The following ARID1B variants were observed in gnomAD, a reference collection of about 807,000 sequenced individuals.
The protein encoded by ARID1B is AT-rich interactive domain-containing protein 1B.
A neutral mutation model predicts 212.3 loss-of-function variants in ARID1B; 30 were observed. The ratio of observed to expected loss-of-function variants is 0.14; its 90% CI spans 0.11 to 0.19. The LOEUF (loss-of-function observed/expected upper bound fraction) is 0.19, where lower values mean the gene tolerates loss of function less well. ARID1B is among the 10% of genes least tolerant of loss of function. The probability of loss-of-function intolerance (pLI) is 1.00; values close to 1 mark genes in which losing one functional copy is unlikely to be tolerated. For synonymous variants in ARID1B, 1,402 were observed against 1,301.7 expected, an observed-to-expected ratio of 1.08 and a Z score of -1.66; for missense variants, 2,891 against 3,204.0, an observed-to-expected ratio of 0.90 and a Z score of 2.36.
intron 8 of ARID1B, among the ~76,000 whole-genome samples, chr6:157,161,504 A>G (rs1456438946): frequency 1.3e-5 from 2 of 151,546 alleles, no homozygotes; most frequent in Non-Finnish European, 2.9e-5. Flanking sequence ...ATTAAATTTA[A>G]AATAACCTCG....
chr6:157,035,946 G>T (rs1420875443), intron 4 of ARID1B, among the ~76,000 whole-genome samples: 1 of 152,162 alleles, frequency 6.6e-6, no homozygotes, highest in Non-Finnish European at 1.5e-5. Context: ...GGATACATTA[G>T]ATAGGCCTAT....
intron 4 of ARID1B, among the ~76,000 whole-genome samples, chr6:157,068,758 G>T (rs963223749): frequency 6.6e-6 from 1 of 152,144 alleles, no homozygotes; most frequent in Non-Finnish European, 1.5e-5. Context: ...TCTCACACAC[G>T]TGCGTACACA....
At chr6:156,901,700 C>T in intron 3 of ARID1B, 175 bp downstream of exon 3, 1 of 846,906 alleles carries the variant, frequency 1.2e-6, no homozygotes, top group Non-Finnish European at 1.8e-6. Flanking sequence ...GTCTTTTCCC[C>T]TTTTGAGATT....
rs1778926656 is a variant in ARID1B, at chr6:156,778,900, G to GAGC, written c.1222_1223insCAG (p.Gly407_Gly408insAla). Reference sequence around the variant, plus strand: ...GGAGGAGGAGGCAGCGGAGGAGGAGGAGGAGGAGGAGGAGCAGGAGCAGGA... The same window carrying GAGC: ...GGAGGAGGAGGCAGCGGAGGAGGAGGAGCAGGAGGAGGAGGAGCAGGAGCAGGA... On this transcript the variant is annotated inframe_insertion, in exon 1 of 20. Coordinates refer to ENST00000636930, the MANE Select transcript of ARID1B (RefSeq NM_001374828.1). 5.1e-5 allele frequency: 70 copies of GAGC among 1,369,908 alleles called. No homozygotes were observed. The highest frequency in any genetic ancestry group is 6.3e-5 in the Non-Finnish European group (67 of 1,063,580). The allele number at this position is 1,369,908 out of a possible 1,614,324, so 84.9% of individuals were successfully genotyped here. A position where few individuals can be genotyped will look rare whatever the true frequency, so the allele number is the denominator to read the frequency against.
chr6:157,185,345 G>A (rs1235531650), intron 13 of ARID1B: 2 of 152,324 alleles, frequency 1.3e-5, no homozygotes, highest in African/African-American at 4.8e-5. Flanking sequence ...CAGCACATTA[G>A]CCTCACTGTT....
At chr6:157,003,088 A>G (rs1239726752) in intron 4 of ARID1B, among the ~76,000 whole-genome samples, 1 of 152,206 alleles carries the variant, frequency 6.6e-6, no homozygotes, top group Non-Finnish European at 1.5e-5. Context: ...CTGGGGCCCC[A>G]TCACAGAGGG....
chr6:156,789,061 T>C (rs1779843207), intron 1 of ARID1B, among the ~76,000 whole-genome samples: 1 of 152,228 alleles, frequency 6.6e-6, no homozygotes, highest in Non-Finnish European at 1.5e-5. Context: ...GAAGTATTTA[T>C]GGAGTAAATG....
At chr6:157,043,784 T>C (rs933334054) in intron 4 of ARID1B, among the ~76,000 whole-genome samples, 1 of 152,248 alleles carries the variant, frequency 6.6e-6, no homozygotes, top group African/African-American at 2.4e-5. Context: ...TTAAGGAAGA[T>C]ATATTCATTG....
intron 5 of ARID1B, among the ~76,000 whole-genome samples, chr6:157,105,482 C>T (rs1168113213): frequency 2.0e-5 from 3 of 152,020 alleles, no homozygotes; most frequent in Admixed American, 6.6e-5. Context: ...GGATTAAGAA[C>T]GTAAGCAGAA....
At chr6:156,985,646 T>G (rs181899685) in intron 4 of ARID1B, 1 of 152,272 alleles carries the variant, frequency 6.6e-6, no homozygotes, top group East Asian at 1.9e-4. Context: ...TATAAACAAC[T>G]ACTGTGTCTT....
intron 13 of ARID1B, chr6:157,186,588 G>A (rs569161682): frequency 2.2e-6 from 1 of 461,632 alleles, no homozygotes; most frequent in Admixed American, 2.4e-5. Context: ...AAACATTTTT[G>A]TTGTTAAAGG....
chr6:157,149,064 C>G, intron 8 of ARID1B, 113 bp downstream of exon 8: 1 of 1,132,422 alleles, frequency 8.8e-7, no homozygotes, highest in Non-Finnish European at 1.2e-6. Flanking sequence ...AGTAGAATGT[C>G]ACTGTGCTTG....
intron 5 of ARID1B, among the ~76,000 whole-genome samples, chr6:157,090,751 AGGGATG>A (rs1340324781): frequency 6.6e-6 from 1 of 152,184 alleles, no homozygotes; most frequent in Non-Finnish European, 1.5e-5. Flanking sequence ...GCTGGGCATG[AGGGATG>A]GGTCAGGGTG....
intron 1 of ARID1B, among the ~76,000 whole-genome samples, chr6:156,789,170 A>G (rs1463896294): frequency 6.6e-6 from 1 of 152,214 alleles, no homozygotes; most frequent in Non-Finnish European, 1.5e-5. Flanking sequence ...TCTATGTGGA[A>G]GGTCAGTGTA....
At position 156,778,756 on chromosome 6, in the gene ARID1B, C is replaced by A. The variant is rs1446499396; in HGVS notation, c.1076C>A (p.Ala359Asp). ...TCCGCCTCCGCCGCCGCCGCCGGGG[C>A]CCCCGGCAGCATGGACCCCCTGCAG... ...MHSASAAAAG[A>D]PGSMDPLQNS... Residue 359 changes from alanine (A) to aspartate (D), a missense_variant, in exon 1 of 20, where the codon GCC becomes GAC. Around this residue, in one of 7 missense-constraint regions of ARID1B, gnomAD observed 1,643 missense variants for 1,544.0 expected, o/e 1.06. Coordinates refer to ENST00000636930, the MANE Select transcript of ARID1B (RefSeq NM_001374828.1). 1 of 1,521,038 alleles carries A rather than the reference C, an allele frequency of 6.6e-7. No individual in the cohort carries two copies. The highest frequency in any genetic ancestry group is 1.4e-5 in the African/African-American group (1 of 70,286). The allele number at this position is 1,521,038 out of a possible 1,614,324, so 94.2% of individuals were successfully genotyped here. A position where few individuals can be genotyped will look rare whatever the true frequency, so the allele number is the denominator to read the frequency against.
intron 4 of ARID1B, chr6:157,023,869 A>C (rs1780481799): frequency 6.6e-6 from 1 of 152,224 alleles, no homozygotes; most frequent in Non-Finnish European, 1.5e-5. Flanking sequence ...TGATGTAAAT[A>C]ATACATTCAA....
chr6:157,131,110 A>T (rs1788516545), intron 6 of ARID1B, among the ~76,000 whole-genome samples: 1 of 152,154 alleles, frequency 6.6e-6, no homozygotes, highest in Non-Finnish European at 1.5e-5. Context: ...CATTTGAATC[A>T]TCTACCCACC....
At chr6:157,007,346 A>G (rs1028821535) in intron 4 of ARID1B, among the ~76,000 whole-genome samples, 11 of 152,214 alleles carry the variant, frequency 7.2e-5, no homozygotes, top group Non-Finnish European at 1.6e-4. Context: ...AATGAAGAGA[A>G]AGAATCCCAA....
chr6:156,938,075 T>C (rs1792397663), intron 4 of ARID1B: 1 of 152,268 alleles, frequency 6.6e-6, no homozygotes, highest in Admixed American at 6.5e-5. Flanking sequence ...CCCCAATCTG[T>C]TAGGATGAAA....
Sources: gnomAD v4.1 joint callset for allele counts (sites outside exome capture counted in the v4.1 genomes callset) on GRCh38, gnomAD v4.1.1 for gene constraint, gnomAD v4.1.1 regional missense constraint, MANE v1.5 for transcripts, NCBI Gene and HGNC (gene_info 2026-07-23, HGNC 2026-07-21) for gene names.